Variants in NSG1 observed in about 807,000 individuals in gnomAD.
NSG1 encodes the protein neuronal vesicle trafficking-associated protein 1.
In NSG1, 9 loss-of-function variants were observed where a neutral mutation model predicts 19.3. The observed-to-expected ratio is 0.47, with a 90% CI of 0.28 to 0.81. NSG1 has a LOEUF of 0.81. Ranked by LOEUF, NSG1 falls within the 40% of genes least tolerant of loss-of-function variation. The probability of loss-of-function intolerance (pLI) is 0.11; values close to 1 mark genes in which losing one functional copy is unlikely to be tolerated. For synonymous variants in NSG1, 104 were observed against 107.0 expected (o/e 0.97, Z 0.17); for missense variants, 236 against 242.4 (o/e 0.97, Z 0.18).
intron 4 of NSG1, 35 bp from the exon 5 acceptor site, chr4:4,417,200 C>G (rs749575321): frequency 1.3e-6 from 2 of 1,595,700 alleles, no homozygotes; most frequent in Non-Finnish European, 1.7e-6. Context: ...CCCTCTTGCA[C>G]CGACGCGTGC....
At chr4:4,409,726 AC>A in intron 4 of NSG1, 43 bp downstream of exon 4, 1 of 1,472,780 alleles carries the variant, frequency 6.8e-7, no homozygotes, top group Non-Finnish European at 9.5e-7. Flanking sequence ...ACGCCTTTGC[AC>A]CCCATGTTCT....
chr4:4,394,137 T>A (rs1365780930), intron 3 of NSG1, among the ~76,000 whole-genome samples: 1 of 152,218 alleles, frequency 6.6e-6, no homozygotes, highest in South Asian at 2.1e-4. Context: ...GGCAGCCTGC[T>A]CTTGGCTGTG....
intron 3 of NSG1, among the ~76,000 whole-genome samples, chr4:4,405,377 C>A (rs1261631595): frequency 1.3e-5 from 2 of 152,178 alleles, no homozygotes; most frequent in Admixed American, 1.3e-4. Flanking sequence ...CTTCACAGAT[C>A]CTGGGGGCTG....
chr4:4,389,737 A>G (rs1722906288), intron 2 of NSG1, among the ~76,000 whole-genome samples: 2 of 152,128 alleles, frequency 1.3e-5, no homozygotes, highest in South Asian at 4.1e-4. Flanking sequence ...ATAAATGAGA[A>G]TCTGTTCTGA....
chr4:4,392,215 C>G (rs758608196), intron 3 of NSG1, among the ~76,000 whole-genome samples: 8 of 151,948 alleles, frequency 5.3e-5, no homozygotes, highest in Non-Finnish European at 7.4e-5. Context: ...GGGTTCCAGC[C>G]TGTCTCGGTG....
chr4:4,414,283 T>G (rs1486753839), intron 4 of NSG1, among the ~76,000 whole-genome samples: 1 of 151,690 alleles, frequency 6.6e-6, no homozygotes, highest in Non-Finnish European at 1.5e-5. Flanking sequence ...GCGGCCACAA[T>G]GGAAGGGGCC....
chr4:4,393,144 G>C (rs954519815), intron 3 of NSG1, among the ~76,000 whole-genome samples: 1 of 152,198 alleles, frequency 6.6e-6, no homozygotes, highest in Non-Finnish European at 1.5e-5. Context: ...GCTAAATGCT[G>C]TGTGATGTCT....
chr4:4,402,368 G>GTTCTT (rs1560143233), intron 3 of NSG1, among the ~76,000 whole-genome samples: 1 of 99,604 alleles, frequency 1.0e-5, no homozygotes, highest in African/African-American at 4.2e-5. Flanking sequence ...ACCACGCCTG[G>GTTCTT]TTATTTTTTT....
intron 2 of NSG1, among the ~76,000 whole-genome samples, chr4:4,390,421 A>C (rs1343265314): frequency 6.6e-6 from 1 of 152,214 alleles, no homozygotes; most frequent in East Asian, 1.9e-4. Flanking sequence ...TGGGGGTCGT[A>C]GCACCGGATG....
At chr4:4,389,254 A>G (rs1275198056) in intron 2 of NSG1, among the ~76,000 whole-genome samples, 1 of 152,220 alleles carries the variant, frequency 6.6e-6, no homozygotes, top group Non-Finnish European at 1.5e-5. Context: ...TCAGGCAGGT[A>G]TGAAATCCTC....
At chr4:4,393,063 G>T (rs1025209117) in intron 3 of NSG1, among the ~76,000 whole-genome samples, 2 of 152,182 alleles carry the variant, frequency 1.3e-5, no homozygotes, top group Non-Finnish European at 2.9e-5. Flanking sequence ...TGCACCCTGG[G>T]TTTGGCTGCT....
At chr4:4,416,130 G>A (rs1217546043) in intron 4 of NSG1, 1 of 702,382 alleles carries the variant, frequency 1.4e-6, no homozygotes, top group South Asian at 1.5e-5. Flanking sequence ...ACACGGTGGT[G>A]TGACTCATTG....
intron 3 of NSG1, among the ~76,000 whole-genome samples, chr4:4,396,602 C>G (rs1454884903): frequency 6.6e-6 from 1 of 152,208 alleles, no homozygotes; most frequent in Non-Finnish European, 1.5e-5. Flanking sequence ...TGGGGACGTC[C>G]CTCTGCATCC....
At chr4:4,409,521 G>T in intron 3 of NSG1, 52 bp from the exon 4 acceptor site, 1 of 1,340,092 alleles carries the variant, frequency 7.5e-7, no homozygotes, top group Non-Finnish European at 1.1e-6. Flanking sequence ...GTGTGTGTGT[G>T]TCTGTCCTGC....
chr4:4,393,936 C>T (rs1342061214), intron 3 of NSG1, among the ~76,000 whole-genome samples: 4 of 152,234 alleles, frequency 2.6e-5, no homozygotes, highest in South Asian at 2.1e-4. Flanking sequence ...CAGACCTCAC[C>T]GCCCTGTTTC....
chr4:4,415,937 T>C (rs1724506705), intron 4 of NSG1: 2 of 606,146 alleles, frequency 3.3e-6, no homozygotes, highest in Non-Finnish European at 5.9e-6. Context: ...CTGAATGGGC[T>C]GTTTGTTCTG....
In NSG1 at chr4:4,390,542, A is replaced by AG. The variant is rs1255634356; in HGVS notation, c.130-929dup. Among the ~76,000 whole-genome samples the AG allele has an allele frequency of 2.6e-5, 4 of 152,152 alleles. No individual in the cohort carries two copies. The East Asian group carries it at 7.7e-4, about 29-fold the overall frequency. On this transcript the variant is annotated intron_variant, in intron 2 of 4. Transcript: ENST00000621129. ...GAGCAGGTGACGGACTGCCCAATGA[A>AG]GGGGCCTCGTCCCTCGGGGGAGAAA... is the stretch of plus-strand genomic sequence containing the variant.
At chr4:4,409,308 G>A (rs1724039244) in intron 3 of NSG1, among the ~76,000 whole-genome samples, 1 of 152,258 alleles carries the variant, frequency 6.6e-6, no homozygotes, top group African/African-American at 2.4e-5. Context: ...TGTACCCTGA[G>A]CTCTCTATGC....
At chr4:4,398,579 G>A (rs745539881) in intron 3 of NSG1, among the ~76,000 whole-genome samples, 36 of 152,154 alleles carry the variant, frequency 2.4e-4, no homozygotes, top group Non-Finnish European at 3.5e-4. Flanking sequence ...CACTTAGCAT[G>A]CTATTTCAAA....
Sources: allele counts gnomAD v4.1 joint callset (sites outside exome capture counted in the v4.1 genomes callset), GRCh38; gene constraint gnomAD v4.1.1; transcripts MANE v1.5; gene names NCBI Gene and HGNC (gene_info 2026-07-23, HGNC 2026-07-21).